The following ZNF385D variants were observed in gnomAD, a reference collection of about 807,000 sequenced individuals.
The protein encoded by ZNF385D is zinc finger protein 385D.
Under a neutral mutation model 35.8 loss-of-function variants are expected in ZNF385D, and 15 were observed. The ratio of observed to expected loss-of-function variants is 0.42; its 90% CI spans 0.28 to 0.64. ZNF385D has a LOEUF of 0.64. Ranked by LOEUF, ZNF385D falls within the 30% of genes least tolerant of loss-of-function variation. The pLI is 0.23. For synonymous variants in ZNF385D, 212 were observed against 186.8 expected (o/e 1.13, Z -1.10); for missense variants, 474 against 494.6 (o/e 0.96, Z 0.39).
At chr3:21,681,946 C>G (rs1226475131) in intron 1 of ZNF385D, among the ~76,000 whole-genome samples, 4 of 152,070 alleles carry the variant, frequency 2.6e-5, no homozygotes. Context: ...ATGAACTGGT[C>G]AGCCAGTGAA....
intron 3 of ZNF385D, among the ~76,000 whole-genome samples, chr3:21,823,111 T>C (rs1694381112): frequency 6.7e-6 from 1 of 148,504 alleles, no homozygotes; most frequent in African/African-American, 2.4e-5. Context: ...ATACATATTA[T>C]ACAGTATACA....
At chr3:21,437,784 G>T (rs1019841023) in intron 4 of ZNF385D, among the ~76,000 whole-genome samples, 1 of 143,634 alleles carries the variant, frequency 7.0e-6, no homozygotes, top group Non-Finnish European at 1.5e-5. Flanking sequence ...TGCTCTATTT[G>T]CAAAGAGTTA....
chr3:22,367,714 G>T (rs1186450446), intron 2 of ZNF385D, among the ~76,000 whole-genome samples: 1 of 151,980 alleles, frequency 6.6e-6, no homozygotes, highest in South Asian at 2.1e-4. Context: ...AGGATAGATG[G>T]AGACTGTTGG....
chr3:21,978,699 T>A lies in ZNF385D; in HGVS notation c.325+190118A>T, dbSNP rs564683682. On this transcript the variant is annotated intron_variant, in intron 3 of 5. Coordinates refer to the ZNF385D transcript ENST00000494108. ...TATGTCTATGTCTCTAGATAGCTCATTGTAAATTTAATCAAATTTACATAT... is the reference window on the plus strand; with the variant it reads ...TATGTCTATGTCTCTAGATAGCTCAATGTAAATTTAATCAAATTTACATAT... Among the ~76,000 whole-genome samples the A allele has an allele frequency of 4.1e-4, 62 of 152,334 alleles. 1 individual carries two copies. The Middle Eastern group carries it at 0.01, about 25-fold the overall frequency.
chr3:21,594,100 C>CAGAT (rs2064061838), intron 2 of ZNF385D, among the ~76,000 whole-genome samples: 2 of 152,170 alleles, frequency 1.3e-5, no homozygotes, highest in South Asian at 4.1e-4. Context: ...GCAACTCTAG[C>CAGAT]AGATAGGGCT....
At chr3:22,166,683 G>A (rs1706352494) in intron 3 of ZNF385D, among the ~76,000 whole-genome samples, 1 of 152,226 alleles carries the variant, frequency 6.6e-6, no homozygotes, top group South Asian at 2.1e-4. Context: ...CTGAACTTGA[G>A]TAAACTCATA....
intron 3 of ZNF385D, among the ~76,000 whole-genome samples, chr3:22,097,801 C>T (rs1210542242): frequency 6.6e-6 from 1 of 151,998 alleles, no homozygotes; most frequent in Non-Finnish European, 1.5e-5. Flanking sequence ...CACTAGGAAC[C>T]ACATTTCTGT....
chr3:22,366,236 C>T (rs1696650974), intron 2 of ZNF385D, among the ~76,000 whole-genome samples: 1 of 151,936 alleles, frequency 6.6e-6, no homozygotes, highest in Non-Finnish European at 1.5e-5. Flanking sequence ...CATAAAGAGC[C>T]AACTACACCC....
intron 3 of ZNF385D, among the ~76,000 whole-genome samples, chr3:21,766,708 C>T (rs62236241): frequency 0.29 from 43,859 of 151,630 alleles, 7,102 homozygotes; most frequent in East Asian, 0.41. Context: ...GATAGAATAG[C>T]TGAAAGTGAA....
intron 3 of ZNF385D, among the ~76,000 whole-genome samples, chr3:22,037,191 T>C (rs1459008050): frequency 1.3e-5 from 2 of 151,408 alleles, no homozygotes; most frequent in African/African-American, 2.4e-5. Context: ...TGTGTCTTTA[T>C]AGCAGCATGT....
At chr3:22,231,911 T>C (rs1457208283) in intron 2 of ZNF385D, among the ~76,000 whole-genome samples, 1 of 152,068 alleles carries the variant, frequency 6.6e-6, no homozygotes, top group Non-Finnish European at 1.5e-5. Context: ...TAAGAGTATA[T>C]GGCACCTCTT....
chr3:21,597,750 TAAAA>T (rs2064166748), intron 2 of ZNF385D, among the ~76,000 whole-genome samples: 5 of 152,246 alleles, frequency 3.3e-5, no homozygotes, highest in African/African-American at 1.2e-4. Flanking sequence ...GTGATAAACA[TAAAA>T]AGGTAGTTTT....
chr3:21,704,001 C>A (rs2067800656), intron 1 of ZNF385D, among the ~76,000 whole-genome samples: 1 of 152,154 alleles, frequency 6.6e-6, no homozygotes, highest in Non-Finnish European at 1.5e-5. Context: ...TAGGGCCCTG[C>A]CTGTTTATGT....
chr3:22,211,621 G>T (rs903608784), intron 2 of ZNF385D, among the ~76,000 whole-genome samples: 1 of 151,982 alleles, frequency 6.6e-6, no homozygotes, highest in Non-Finnish European at 1.5e-5. Context: ...AGTCTATATA[G>T]AAAGAAAGAA....
At chr3:22,313,132 A>G (rs534815052) in intron 2 of ZNF385D, among the ~76,000 whole-genome samples, 3 of 152,066 alleles carry the variant, frequency 2.0e-5, no homozygotes, top group African/African-American at 4.8e-5. Context: ...CATCATTCTC[A>G]GCAAACTATC....
In ZNF385D at chr3:22,372,543, C is replaced by CT. The variant is rs1030772446; in HGVS notation, c.12dup (p.Gly5ArgfsTer42). ...CTCCTGCTGGCGGCCGCCCGGCGCCCTGGCCCTGGCATCCGGGAGGAGCAG... is the reference window on the plus strand; with the variant it reads ...CTCCTGCTGGCGGCCGCCCGGCGCCCTTGGCCCTGGCATCCGGGAGGAGCAG... On this transcript the variant is annotated frameshift_variant, in exon 2 of 6. Coordinates refer to the ZNF385D transcript ENST00000494108. LOFTEE classifies it high-confidence loss of function. 15 of 985,774 alleles carry CT rather than the reference C, an allele frequency of 1.5e-5. No homozygotes were observed. Among genetic ancestry groups the CT allele is most frequent in the Non-Finnish European group, 1.8e-5 (15 of 829,956 alleles). The allele number at this position is 985,774 out of a possible 1,614,324, so 61.1% of individuals were successfully genotyped here. A position where few individuals can be genotyped will look rare whatever the true frequency, so the allele number is the denominator to read the frequency against.
intron 1 of ZNF385D, among the ~76,000 whole-genome samples, chr3:21,744,871 T>TA (rs1575577782): frequency 6.6e-6 from 1 of 151,734 alleles, no homozygotes; most frequent in African/African-American, 2.4e-5. Flanking sequence ...AAAATAATAA[T>TA]AAAAAAAGCT....
In ZNF385D at chr3:21,845,304, G is replaced by GAATATAATGGAATATAATGGAA. The variant is rs1216421071; in HGVS notation, c.326-180277_326-180276insTTCCATTATATTCCATTATATT. Among the ~76,000 whole-genome samples the GAATATAATGGAATATAATGGAA allele has an allele frequency of 1.3e-5, 2 of 151,892 alleles. 1 individual carries two copies. Among genetic ancestry groups the GAATATAATGGAATATAATGGAA allele is most frequent in the Non-Finnish European group, 2.9e-5 (2 of 67,920 alleles). On this transcript the variant is annotated intron_variant, in intron 3 of 5. Transcript: ENST00000494108. ...GGAAACTGCATAAATGTGACTTTTG[G>GAATATAATGGAATATAATGGAA]TCTAATGGAATATAATAGCAATGAT... is the stretch of plus-strand genomic sequence containing the variant.
chr3:21,817,550 T>C (rs1423576428), intron 3 of ZNF385D, among the ~76,000 whole-genome samples: 4 of 152,200 alleles, frequency 2.6e-5, no homozygotes, highest in Non-Finnish European at 5.9e-5. Context: ...AAGACATTTA[T>C]GCAGCCAACA....
Sources: allele counts gnomAD v4.1 joint callset (sites outside exome capture counted in the v4.1 genomes callset), GRCh38; gene constraint gnomAD v4.1.1; transcripts MANE v1.5; gene names NCBI Gene and HGNC (gene_info 2026-07-23, HGNC 2026-07-21).